The following DHX38 variants were observed in gnomAD, a reference collection of about 807,000 sequenced individuals.
The protein encoded by DHX38 is pre-mRNA-splicing factor ATP-dependent RNA helicase PRP16.
A neutral mutation model predicts 153.1 loss-of-function variants in DHX38; 100 were observed. The ratio of observed to expected loss-of-function variants is 0.65; its 90% CI spans 0.56 to 0.77. DHX38 has a LOEUF of 0.77. DHX38 is among the 30% of genes least tolerant of loss of function. The pLI, the probability that DHX38 is intolerant of heterozygous loss-of-function variation, is 0.00. For missense variants in DHX38, 1,440 were observed against 1,654.0 expected (o/e 0.87, Z 2.24); for synonymous variants, 650 against 631.7 (o/e 1.03, Z -0.43).
chr16:72,104,015 A>G lies in DHX38; in HGVS notation c.1894A>G (p.Ile632Val). The G allele has an allele frequency of 6.2e-7, 1 of 1,614,086 alleles. No homozygotes were observed. Among genetic ancestry groups the G allele is most frequent in the Non-Finnish European group, 8.5e-7 (1 of 1,180,022 alleles). ...CTTGATCAAATACATGACTGACGGG[A>G]TCCTGCTCCGAGAGTCCCTCCGGGA... ...NTLIKYMTDGILLRESLREAD... is the reference protein window; with the variant it reads ...NTLIKYMTDGVLLRESLREAD... Residue 632 changes from isoleucine to valine, a missense_variant, in exon 14 of 27, where the codon ATC (isoleucine) becomes GTC (valine). By Grantham distance (29) the Ile-to-Val change is conservative. Transcript: ENST00000268482. The surrounding 1 kb of genome is among the most constrained non-coding windows in gnomAD (Gnocchi z 4.5).
intron 1 of DHX38, among the ~76,000 whole-genome samples, chr16:72,095,214 G>A (rs963915394): frequency 6.6e-6 from 1 of 152,222 alleles, no homozygotes; most frequent in African/African-American, 2.4e-5. Context: ...AGGTAAAGAG[G>A]AGCTTGTTCC....
chr16:72,106,517 C>A (rs2042181262), intron 19 of DHX38, among the ~76,000 whole-genome samples: 1 of 151,928 alleles, frequency 6.6e-6, no homozygotes, highest in African/African-American at 2.4e-5. Flanking sequence ...GGTGCAATCA[C>A]AGCTCACTGC....
chr16:72,105,481 G>T, intron 17 of DHX38, 36 bp from the exon 18 acceptor site: 3 of 1,612,566 alleles, frequency 1.9e-6, no homozygotes, highest in Non-Finnish European at 2.5e-6. Flanking sequence ...CTGTCTCGAG[G>T]GACTCATTTT....
In DHX38 at chr16:72,104,160, C is replaced by T. The variant is rs764996025; in HGVS notation, c.2010+29C>T. The T allele has an allele frequency of 8.7e-6, 14 of 1,607,640 alleles. No homozygotes were observed. Among genetic ancestry groups the T allele is most frequent in the African/African-American group, 2.7e-5 (2 of 74,808 alleles). On this transcript the variant is annotated intron_variant, in intron 14 of 26. Transcript: ENST00000268482. This position sits in a 1 kb window ranked among gnomAD's most constrained non-coding sequence, Gnocchi z 4.5. ...AGGGCTGTGTGGTTTGGTCTCTCTGCGCATGGGGTGTTGACCAGTGCACCA... is the reference window on the plus strand; with the variant it reads ...AGGGCTGTGTGGTTTGGTCTCTCTGTGCATGGGGTGTTGACCAGTGCACCA...
chr16:72,101,996 C>A (rs1255678754), intron 11 of DHX38, among the ~76,000 whole-genome samples: 6 of 152,150 alleles, frequency 3.9e-5, no homozygotes, highest in Non-Finnish European at 7.4e-5. Flanking sequence ...GGGTTTTAGT[C>A]CCTTAGATTT....
chr16:72,101,221 A>G (rs764702497), intron 10 of DHX38, 28 bp downstream of exon 10: 3 of 1,611,780 alleles, frequency 1.9e-6, no homozygotes, highest in Non-Finnish European at 2.5e-6. Flanking sequence ...GTGGCTGGGA[A>G]GTTTATGTGT....
At chr16:72,101,257 T>A in intron 10 of DHX38, 64 bp downstream of exon 10, 1 of 1,558,066 alleles carries the variant, frequency 6.4e-7, no homozygotes, top group Non-Finnish European at 8.8e-7. Context: ...CTTCTCTTCA[T>A]AAGTCTTACT....
In DHX38 at chr16:72,103,791, G is replaced by C; in HGVS notation, c.1824+3G>C. 1.2e-6 allele frequency: 2 copies of C among 1,608,722 alleles called. No homozygotes were observed. The highest frequency in any genetic ancestry group is 1.7e-6 in the Non-Finnish European group (2 of 1,175,400). ...TGGGGGGAAACCTTGGCGAGGAGGT[G>C]AGTGGGCGTGGGGGCTGAGCCATGT... On this transcript the variant is annotated splice_donor_region_variant and intron_variant, in intron 13 of 26. Transcript: ENST00000268482.
intron 6 of DHX38, 47 bp from the exon 7 acceptor site, chr16:72,099,157 G>A (rs2042062599): frequency 5.6e-6 from 9 of 1,595,812 alleles, no homozygotes; most frequent in Non-Finnish European, 6.8e-6. Context: ...TGGGGCCGCT[G>A]GGGACAGGCC....
intron 3 of DHX38, chr16:72,097,331 A>T (rs1326675596): frequency 2.5e-6 from 1 of 401,970 alleles, no homozygotes; most frequent in Admixed American, 3.8e-5. Flanking sequence ...GTGCTATGGA[A>T]CAAAGCTAGA....
Position 72,105,011 on chromosome 16 carries a change from C to G in DHX38, c.2152-16C>G. The G allele has an allele frequency of 6.2e-7, 1 of 1,611,984 alleles. No individual in the cohort carries two copies. Among genetic ancestry groups the G allele is most frequent in the Non-Finnish European group, 8.5e-7 (1 of 1,178,650 alleles). On this transcript the variant is annotated splice_polypyrimidine_tract_variant and intron_variant, in intron 15 of 26. Transcript: ENST00000268482. Reference sequence around the variant, plus strand: ...TCTAGTACCTCCCTCTGACTGTGTCCCCACTGCTGTTGCAGACCCCACAGG... The same window carrying G: ...TCTAGTACCTCCCTCTGACTGTGTCGCCACTGCTGTTGCAGACCCCACAGG...
chr16:72,102,955 G>C, intron 11 of DHX38, 119 bp from the exon 12 acceptor site: 2 of 1,388,298 alleles, frequency 1.4e-6, no homozygotes, highest in Non-Finnish European at 2.0e-6. Context: ...TGGCTGCTTT[G>C]GTGTCTCAGA....
At chr16:72,110,899 G>T in intron 25 of DHX38, 57 bp from the exon 26 acceptor site, 2 of 1,520,868 alleles carry the variant, frequency 1.3e-6, no homozygotes, top group Non-Finnish European at 1.8e-6. Context: ...GTGCCGACGA[G>T]GCCTCCTTCC....
In DHX38 at chr16:72,101,874, A is replaced by G. The variant is rs577059519; in HGVS notation, c.1499+262A>G. 6.6e-4 allele frequency among the ~76,000 whole-genome samples: 100 copies of G among 152,236 alleles called. 1 individual carries two copies. The South Asian group carries it at 0.02, about 30-fold the overall frequency. On this transcript the variant is annotated intron_variant, in intron 11 of 26. Transcript: ENST00000268482. ...GAAGGAGGCCCAGGGAGGTTAAGTA[A>G]CTTGTCTGAGGTCACCCAGCTTGTC...
Position 72,096,166 on chromosome 16 carries a change from C to T in DHX38, c.9C>T (p.Asp3=). ...AAATCCCAGATCCTGTGATGGGGGA[C>T]ACCAGTGAGGATGCCTCGATCCATC... MG[D]TSEDASIHRL... Residue 3 remains aspartate (D), a synonymous_variant, in exon 2 of 27, where the codon GAC becomes GAT. Transcript: ENST00000268482. 8 of 1,597,784 alleles carry T rather than the reference C, an allele frequency of 5.0e-6. No homozygotes were observed. The highest frequency in any genetic ancestry group is 1.1e-5 in the South Asian group (1 of 90,156).
intron 11 of DHX38, among the ~76,000 whole-genome samples, chr16:72,102,274 A>G (rs1165693642): frequency 6.6e-6 from 1 of 152,150 alleles, no homozygotes; most frequent in African/African-American, 2.4e-5. Flanking sequence ...ATCAGCCCTT[A>G]TTCTTCTCTA....
In DHX38 at chr16:72,097,550, C is replaced by T. The variant is rs368849056; in HGVS notation, c.512-127C>T. ...GGGATAGGTGAGTTTCAGGAGTCCA[C>T]GGATCACATTCGAGCAGTGCAGGTT... On this transcript the variant is annotated intron_variant, in intron 3 of 26. Coordinates refer to ENST00000268482, the MANE Select transcript of DHX38 (RefSeq NM_014003.4). 1.2e-4 allele frequency: 95 copies of T among 817,898 alleles called. 3 individuals are homozygous for T. The highest frequency in any genetic ancestry group is 6.0e-4 in the East Asian group (22 of 36,730). The allele number at this position is 817,898 out of a possible 1,614,324, so 50.7% of individuals were successfully genotyped here.
Position 72,109,411 on chromosome 16 carries a change from G to A in DHX38, c.3382-4G>A, listed in dbSNP as rs772387556. On this transcript the variant is annotated splice_polypyrimidine_tract_variant and splice_region_variant and intron_variant, in intron 24 of 26. Coordinates refer to ENST00000268482, the MANE Select transcript of DHX38 (RefSeq NM_014003.4). ...CCCTCGCCTCCCTGCCCTTCTGCCC[G>A]CAGGAGTATATGCAGTGTGTGACCG... is the stretch of plus-strand genomic sequence containing the variant. The A allele has an allele frequency of 1.3e-5, 21 of 1,612,202 alleles. No homozygotes were observed. The highest frequency in any genetic ancestry group is 5.3e-5 in the African/African-American group (4 of 74,816).
chr16:72,111,101 G>T, intron 26 of DHX38, 24 bp downstream of exon 26: 1 of 1,540,582 alleles, frequency 6.5e-7, no homozygotes, highest in Admixed American at 2.0e-5. Flanking sequence ...TTCGGGCTCT[G>T]GCTGGGGTGG....
Sources: gnomAD v4.1 joint callset for allele counts (sites outside exome capture counted in the v4.1 genomes callset) on GRCh38, gnomAD v4.1.1 for gene constraint, Gnocchi (gnomAD v3.1) non-coding constraint, MANE v1.5 for transcripts, NCBI Gene and HGNC (gene_info 2026-07-23, HGNC 2026-07-21) for gene names.